The following TBC1D23 variants were observed in gnomAD, a reference collection of about 807,000 sequenced individuals.
The protein encoded by TBC1D23 is TBC1 domain family member 23, also known as HCV non-structural protein 4A-transactivated protein 1.
In TBC1D23, 55 loss-of-function variants were observed where a neutral mutation model predicts 91.4. The observed-to-expected ratio is 0.60, with a 90% CI of 0.48 to 0.75. TBC1D23 has a LOEUF of 0.75. TBC1D23 is among the 30% of genes least tolerant of loss of function. TBC1D23 has a pLI of 0.00. For synonymous variants in TBC1D23, 289 were observed against 281.0 expected (o/e 1.03, Z -0.28); for missense variants, 725 against 836.1 (o/e 0.87, Z 1.64).
chr3:100,267,310 G>A, intron 1 of TBC1D23: 1 of 425,334 alleles, frequency 2.4e-6, no homozygotes, highest in Non-Finnish European at 4.6e-6. Flanking sequence ...AAGAATTTAA[G>A]AGCCACTTAA....
At chr3:100,299,619 C>T (rs1435345735) in intron 10 of TBC1D23, among the ~76,000 whole-genome samples, 1 of 152,172 alleles carries the variant, frequency 6.6e-6, no homozygotes, top group Non-Finnish European at 1.5e-5. Context: ...AAGCTATTCT[C>T]CTGCCTCACC....
chr3:100,321,810 A>G (rs566524626), intron 18 of TBC1D23, among the ~76,000 whole-genome samples: 31 of 146,604 alleles, frequency 2.1e-4, no homozygotes, highest in African/African-American at 7.7e-4. Flanking sequence ...ATTTGTTAAA[A>G]GAAAATAATA....
intron 16 of TBC1D23, among the ~76,000 whole-genome samples, chr3:100,318,342 A>G (rs1705790383): frequency 1.3e-5 from 2 of 151,936 alleles, no homozygotes; most frequent in African/African-American, 4.8e-5. Context: ...CTCAGGATTG[A>G]TTTTATTATT....
rs746203536 is a variant in TBC1D23, at chr3:100,283,602, T to C, written c.272-5T>C. ...GTAACTTTATTTTTAACATTTATTT[T>C]CTAGACCAGCTTTCAGTGCCAGAGG... On this transcript the variant is annotated splice_polypyrimidine_tract_variant and splice_region_variant and intron_variant, in intron 3 of 18. Transcript: ENST00000394144. The C allele has an allele frequency of 1.4e-5, 23 of 1,611,954 alleles. No homozygotes were observed. In the East Asian group the frequency reaches 5.1e-4, roughly 36 times the overall value.
chr3:100,268,371 AT>A (rs1436506987), intron 1 of TBC1D23, among the ~76,000 whole-genome samples: 3 of 152,266 alleles, frequency 2.0e-5, no homozygotes, highest in African/African-American at 4.8e-5. Flanking sequence ...ATCAAAAAAA[AT>A]GTTCCTTGAT....
intron 14 of TBC1D23, 51 bp from the exon 15 acceptor site, chr3:100,311,782 G>A: frequency 4.7e-6 from 6 of 1,280,372 alleles, no homozygotes; most frequent in African/African-American, 1.5e-5. Context: ...TAAAGCTGTT[G>A]CATTTTTTTT....
intron 1 of TBC1D23, among the ~76,000 whole-genome samples, chr3:100,271,193 A>G (rs1440186308): frequency 2.6e-5 from 4 of 152,108 alleles, no homozygotes; most frequent in African/African-American, 9.7e-5. Flanking sequence ...AGTGGTGAGG[A>G]TCAAAGAGGG....
At chr3:100,267,177 T>G (rs968386391) in intron 1 of TBC1D23, 3 of 411,550 alleles carry the variant, frequency 7.3e-6, no homozygotes, top group Non-Finnish European at 1.4e-5. Flanking sequence ...CAGAAAATAA[T>G]AGGATTAAAC....
chr3:100,286,056 C>T (rs1478418392), intron 4 of TBC1D23, among the ~76,000 whole-genome samples: 2 of 152,080 alleles, frequency 1.3e-5, no homozygotes, highest in Non-Finnish European at 2.9e-5. Flanking sequence ...TTCTGATATG[C>T]ACCAGGATGG....
At chr3:100,282,691 A>T (rs1456480589) in intron 3 of TBC1D23, among the ~76,000 whole-genome samples, 2 of 152,224 alleles carry the variant, frequency 1.3e-5, no homozygotes, top group Non-Finnish European at 2.9e-5. Flanking sequence ...TATGTGTGGT[A>T]AGCACAGCAG....
intron 15 of TBC1D23, among the ~76,000 whole-genome samples, chr3:100,314,749 G>C (rs1056980870): frequency 2.0e-5 from 3 of 152,180 alleles, no homozygotes; most frequent in Non-Finnish European, 4.4e-5. Flanking sequence ...CTGTACTCTA[G>C]CCTGGGTGAC....
At chr3:100,264,551 T>C (rs868830421) in intron 1 of TBC1D23, among the ~76,000 whole-genome samples, 29 of 152,222 alleles carry the variant, frequency 1.9e-4, no homozygotes, top group African/African-American at 6.3e-4. Flanking sequence ...TTTTGTGTTA[T>C]TGTAATGTGG....
intron 4 of TBC1D23, among the ~76,000 whole-genome samples, chr3:100,284,662 G>T (rs2067724528): frequency 6.6e-6 from 1 of 152,016 alleles, no homozygotes; most frequent in Non-Finnish European, 1.5e-5. Context: ...TTGTGATGGG[G>T]GTTGTAGTGG....
intron 1 of TBC1D23, among the ~76,000 whole-genome samples, chr3:100,263,131 G>A (rs2067528152): frequency 6.6e-6 from 1 of 152,226 alleles, no homozygotes; most frequent in South Asian, 2.1e-4. Flanking sequence ...GGGCGGGGCC[G>A]TTTTATAGGA....
chr3:100,292,242 C>A (rs2067798066), intron 5 of TBC1D23, among the ~76,000 whole-genome samples: 1 of 152,152 alleles, frequency 6.6e-6, no homozygotes, highest in Non-Finnish European at 1.5e-5. Flanking sequence ...GTCCCCAGAC[C>A]ACACTTCTGG....
At chr3:100,293,137 A>G (rs906324973) in intron 5 of TBC1D23, among the ~76,000 whole-genome samples, 1 of 138,348 alleles carries the variant, frequency 7.2e-6, no homozygotes, top group Non-Finnish European at 1.6e-5. Context: ...TTACTTATTT[A>G]TTTATTTATT....
rs143626205 is a variant in TBC1D23 at position 100,304,887 on chromosome 3, G to A, written c.1305G>A (p.Met435Ile). ...EYVSIASGGF[M>I]ALQQHLADIN... ...TGAGTATTGCCAGTGGAGGATTTATGGGTAAGATTTTGATTTATTAGTTTT... is the reference window on the plus strand; with the variant it reads ...TGAGTATTGCCAGTGGAGGATTTATAGGTAAGATTTTGATTTATTAGTTTT... The change falls in exon 12 of 19, where the codon ATG becomes ATA. Residue 435 changes from methionine to isoleucine, a missense_variant and splice_region_variant. By Grantham distance (10) the Met-to-Ile change is conservative. Transcript: ENST00000394144. The A allele has an allele frequency of 1.3e-4, 198 of 1,477,168 alleles. No homozygotes were observed. Among genetic ancestry groups the A allele is most frequent in the Non-Finnish European group, 1.8e-4 (188 of 1,058,162 alleles). 91.5% of individuals were successfully genotyped at this position (1,477,168 alleles called of 1,614,324 possible).
At chr3:100,294,097 A>G (rs754049123) in intron 5 of TBC1D23, among the ~76,000 whole-genome samples, 5 of 152,154 alleles carry the variant, frequency 3.3e-5, no homozygotes, top group Non-Finnish European at 7.3e-5. Context: ...TTAAATTTAA[A>G]CTTGTAGATG....
chr3:100,300,498 ATTTTTT>A (rs66553332), intron 10 of TBC1D23, among the ~76,000 whole-genome samples: 1 of 125,422 alleles, frequency 8.0e-6, no homozygotes, highest in South Asian at 2.7e-4. Context: ...ACTTGAATTA[ATTTTTT>A]TTTTTTTTTT....
Sources: gnomAD v4.1 joint callset for allele counts (sites outside exome capture counted in the v4.1 genomes callset) on GRCh38, gnomAD v4.1.1 for gene constraint, MANE v1.5 for transcripts, NCBI Gene and HGNC (gene_info 2026-07-23, HGNC 2026-07-21) for gene names.